Variants in ARHGEF28 observed in about 807,000 individuals in gnomAD.
ARHGEF28 encodes Rho guanine nucleotide exchange factor 28.
Under a neutral mutation model 206.6 loss-of-function variants are expected in ARHGEF28, and 152 were observed. The observed-to-expected ratio is 0.74, with a 90% confidence interval of 0.64 to 0.84. The LOEUF (loss-of-function observed/expected upper bound fraction) is 0.84, where lower values mean the gene tolerates loss of function less well. Ranked by LOEUF, ARHGEF28 falls within the 40% of genes least tolerant of loss-of-function variation. The pLI, the probability that ARHGEF28 is intolerant of heterozygous loss-of-function variation, is 0.00. For synonymous variants in ARHGEF28, 763 were observed against 776.4 expected, an observed-to-expected ratio of 0.98 and a Z score of 0.29; for missense variants, 2,028 against 2,073.2, an observed-to-expected ratio of 0.98 and a Z score of 0.42.
rs181057055 is a variant in ARHGEF28 at position 73,940,901 on chromosome 5, C to T, written c.5006C>T (p.Pro1669Leu). Residue 1669 changes from proline (P) to leucine (L), a missense_variant, in exon 36 of 36, where the codon CCT (proline) becomes CTT (leucine). This residue lies in a region of ARHGEF28 where 803 missense variants were observed against 768.0 expected (regional missense o/e 1.05). Transcript: ENST00000513042. ...PTPHDSNSHR[P>L]QLQAFITEAK... ...CCCCATGACTCAAATTCACACCGCC[C>T]TCAACTGCAGGCGTTTATAACAGAA... is the stretch of plus-strand genomic sequence containing the variant. 1.3e-6 allele frequency: 2 copies of T among 1,534,362 alleles called. No individual in the cohort carries two copies. The highest frequency in any genetic ancestry group is 4.9e-5 in the East Asian group (2 of 40,652).
chr5:73,795,959 G>A (rs562862072), intron 9 of ARHGEF28, among the ~76,000 whole-genome samples: 6 of 152,142 alleles, frequency 3.9e-5, no homozygotes, highest in Admixed American at 1.3e-4. Flanking sequence ...CCCTTGGCAA[G>A]GTAGAGGTAT....
intron 2 of ARHGEF28, among the ~76,000 whole-genome samples, chr5:73,721,615 C>T (rs1749953081): frequency 6.6e-6 from 1 of 152,030 alleles, no homozygotes; most frequent in African/African-American, 2.4e-5. Context: ...CTCTGTCCCC[C>T]AGGCTGGAGT....
chr5:73,674,276 A>G (rs919863505), intron 1 of ARHGEF28, among the ~76,000 whole-genome samples: 2 of 152,230 alleles, frequency 1.3e-5, no homozygotes, highest in African/African-American at 4.8e-5. Flanking sequence ...TCTTTTAGCC[A>G]AGCAAATCAC....
intron 1 of ARHGEF28, among the ~76,000 whole-genome samples, chr5:73,643,675 C>T (rs965104415): frequency 1.3e-5 from 2 of 151,918 alleles, no homozygotes; most frequent in Non-Finnish European, 1.5e-5. Context: ...ATCAACCCAG[C>T]GTGGTGGTGT....
Position 73,780,764 on chromosome 5 carries a change from C to G in ARHGEF28, c.910+19C>G. 6.4e-7 allele frequency: 1 copy of G among 1,552,464 alleles called. No homozygotes were observed. The highest frequency in any genetic ancestry group is 8.7e-7 in the Non-Finnish European group (1 of 1,147,560). On this transcript the variant is annotated intron_variant, in intron 7 of 35. Transcript: ENST00000513042. ...GAAGAAGGTACGCATGCTCCTTTCCCACTTATGGCAGCCACAGAGTGCTCT... is the reference window on the plus strand; with the variant it reads ...GAAGAAGGTACGCATGCTCCTTTCCGACTTATGGCAGCCACAGAGTGCTCT...
At chr5:73,713,089 C>T (rs1749350030) in intron 2 of ARHGEF28, among the ~76,000 whole-genome samples, 1 of 152,026 alleles carries the variant, frequency 6.6e-6, no homozygotes, top group Non-Finnish European at 1.5e-5. Context: ...TGTATGAAGA[C>T]CAAATTTATA....
intron 1 of ARHGEF28, among the ~76,000 whole-genome samples, chr5:73,626,771 C>A (rs905514698): frequency 1.3e-5 from 2 of 152,198 alleles, no homozygotes; most frequent in African/African-American, 2.4e-5. Context: ...AGAATGCAGA[C>A]GGAACGCAAG....
At chr5:73,818,236 T>G (rs981224927) in intron 9 of ARHGEF28, among the ~76,000 whole-genome samples, 2 of 152,134 alleles carry the variant, frequency 1.3e-5, no homozygotes, top group African/African-American at 4.8e-5. Context: ...TTTGGACTAT[T>G]TCATGAGCTC....
chr5:73,825,760 G>A (rs1036760396), intron 9 of ARHGEF28, among the ~76,000 whole-genome samples: 3 of 152,176 alleles, frequency 2.0e-5, no homozygotes, highest in African/African-American at 7.2e-5. Context: ...TGACTCCAAG[G>A]AAAGACAGAG....
At chr5:73,891,148 C>A (rs1273552496) in intron 26 of ARHGEF28, among the ~76,000 whole-genome samples, 1 of 152,136 alleles carries the variant, frequency 6.6e-6, no homozygotes, top group Admixed American at 6.5e-5. Context: ...CCATTCCCAC[C>A]CACCAAGGGC....
chr5:73,788,620 C>A (rs1754295257), intron 7 of ARHGEF28, among the ~76,000 whole-genome samples: 1 of 152,086 alleles, frequency 6.6e-6, no homozygotes, highest in Non-Finnish European at 1.5e-5. Flanking sequence ...AACTGGACCA[C>A]CACAAAGGTC....
chr5:73,689,057 T>G (rs1747653438), intron 2 of ARHGEF28, among the ~76,000 whole-genome samples: 1 of 152,252 alleles, frequency 6.6e-6, no homozygotes, highest in Non-Finnish European at 1.5e-5. Context: ...TTAGTTTTTA[T>G]GTAGCTTTGT....
At chr5:73,830,182 C>T (rs978614222) in intron 9 of ARHGEF28, among the ~76,000 whole-genome samples, 21 of 152,140 alleles carry the variant, frequency 1.4e-4, no homozygotes, top group African/African-American at 5.1e-4. Context: ...GATTGTGCCA[C>T]AGAATATGTT....
chr5:73,736,110 T>G (rs9686793), intron 2 of ARHGEF28, among the ~76,000 whole-genome samples: 6,561 of 152,290 alleles, frequency 0.043, 479 homozygotes, highest in African/African-American at 0.15. Flanking sequence ...AATGAAGGAA[T>G]AAGAGAAAAT....
intron 11 of ARHGEF28, 106 bp from the exon 12 acceptor site, chr5:73,846,162 C>CA: frequency 9.9e-7 from 1 of 1,009,354 alleles, no homozygotes; most frequent in South Asian, 1.5e-5. Flanking sequence ...ATACCTATTG[C>CA]ACCCCCCCCG....
chr5:73,877,525 T>G, intron 22 of ARHGEF28, among the ~76,000 whole-genome samples: 1 of 132,274 alleles, frequency 7.6e-6, no homozygotes, highest in African/African-American at 3.0e-5. Context: ...GGGTGTCAAT[T>G]TTAGATCTTT....
At chr5:73,918,850 G>A (rs1013683509) in intron 35 of ARHGEF28, among the ~76,000 whole-genome samples, 1 of 152,160 alleles carries the variant, frequency 6.6e-6, no homozygotes, top group South Asian at 2.1e-4. Flanking sequence ...AAAAAATACA[G>A]GTTCCTCTAT....
chr5:73,668,703 G>C (rs1399099458), intron 1 of ARHGEF28, among the ~76,000 whole-genome samples: 1 of 124,866 alleles, frequency 8.0e-6, no homozygotes, highest in East Asian at 2.5e-4. Flanking sequence ...GCAGACAAAA[G>C]AGAGAGGTGG....
intron 11 of ARHGEF28, 67 bp from the exon 12 acceptor site, chr5:73,846,201 A>G: frequency 6.9e-7 from 1 of 1,453,074 alleles, no homozygotes; most frequent in Non-Finnish European, 9.5e-7. Flanking sequence ...GATTCAGAGA[A>G]GTAGAAACCA....
Sources: gnomAD v4.1 joint callset for allele counts (sites outside exome capture counted in the v4.1 genomes callset) on GRCh38, gnomAD v4.1.1 for gene constraint, gnomAD v4.1.1 regional missense constraint, MANE v1.5 for transcripts, NCBI Gene and HGNC (gene_info 2026-07-23, HGNC 2026-07-21) for gene names.